WLS: variants seen among roughly 807,000 people sequenced by gnomAD.
WLS encodes the protein Wnt ligand secretion mediator.
Under a neutral mutation model 62.8 loss-of-function variants are expected in WLS, and 23 were observed. The observed-to-expected ratio is 0.37, with a 90% confidence interval of 0.26 to 0.52. The LOEUF (loss-of-function observed/expected upper bound fraction) is 0.52, where lower values mean the gene tolerates loss of function less well. WLS is among the 20% of genes least tolerant of loss of function. The pLI, the probability that WLS is intolerant of heterozygous loss-of-function variation, is 0.92. For missense variants in WLS, 615 were observed against 697.3 expected (o/e 0.88, Z 1.33); for synonymous variants, 246 against 244.1 (o/e 1.01, Z -0.07).
At chr1:68,123,166 A>G (rs1015346584), downstream of WLS, among the ~76,000 whole-genome samples, 17 of 151,808 alleles carry the variant, frequency 1.1e-4, no homozygotes, top group African/African-American at 4.1e-4. Context: ...CTTCCTTCCC[A>G]CCACAATTGC....
chr1:68,161,950 T>C (rs368589920), intron 2 of WLS: 27 of 1,610,060 alleles, frequency 1.7e-5, no homozygotes, highest in African/African-American at 4.0e-5. Context: ...TGTGGCACCA[T>C]TGAGCTCAGG....
chr1:68,194,263 A>G (rs749977454), intron 1 of WLS, 36 bp from the exon 2 acceptor site: 4 of 1,604,698 alleles, frequency 2.5e-6, no homozygotes, highest in Non-Finnish European at 3.4e-6. Context: ...TAGAAAAGCC[A>G]TCTATTGAAA....
At chr1:68,134,160 G>A (rs1646571901) in intron 11 of WLS, among the ~76,000 whole-genome samples, 1 of 152,184 alleles carries the variant, frequency 6.6e-6, no homozygotes, top group African/African-American at 2.4e-5. Context: ...TCTTCTTTGA[G>A]GTTTCCACAT....
intron 1 of WLS, among the ~76,000 whole-genome samples, chr1:68,199,554 G>T (rs1648884814): frequency 6.6e-6 from 1 of 152,138 alleles, no homozygotes; most frequent in Admixed American, 6.6e-5. Flanking sequence ...ATCTGTGCTT[G>T]AATATTAAAA....
At chr1:68,227,491 T>C (rs1410330182) in intron 1 of WLS, among the ~76,000 whole-genome samples, 1 of 151,574 alleles carries the variant, frequency 6.6e-6, no homozygotes, top group African/African-American at 2.4e-5. Context: ...AAGTTTTTTT[T>C]AAGTCAAATA....
chr1:68,125,802 G>T lies in WLS; in HGVS notation c.*424C>A. 1.0e-6 allele frequency: 1 copy of T among 1,001,438 alleles called. No homozygotes were observed. Among genetic ancestry groups the T allele is most frequent in the Non-Finnish European group, 1.2e-6 (1 of 839,602 alleles). The allele number at this position is 1,001,438 out of a possible 1,614,324, so 62.0% of individuals were successfully genotyped here. ...AAGACTATGACACCAGCCTACCTTG[G>T]ACTGGGACCGCAAAGGATGTTAAAA... On this transcript the variant is annotated 3_prime_UTR_variant, in exon 12 of 12. Transcript: ENST00000262348.
intron 11 of WLS, chr1:68,099,644 T>G (rs1181205436): frequency 8.5e-5 from 13 of 152,224 alleles, no homozygotes; most frequent in Non-Finnish European, 1.8e-4. Context: ...CTATAATACC[T>G]AATACAATAT....
In WLS at chr1:68,126,020, A is replaced by G; in HGVS notation, c.*206T>C. 2 of 1,409,654 alleles carry G rather than the reference A, an allele frequency of 1.4e-6. No homozygotes were observed. The highest frequency in any genetic ancestry group is 1.9e-6 in the Non-Finnish European group (2 of 1,078,638). 87.3% of individuals were successfully genotyped at this position (1,409,654 alleles called of 1,614,324 possible). Reference sequence around the variant, plus strand: ...CATACCAGAGTTTTTGTTATCATACACAATGCATTAGTGGCTGCAGGAATC... The same window carrying G: ...CATACCAGAGTTTTTGTTATCATACGCAATGCATTAGTGGCTGCAGGAATC... On this transcript the variant is annotated 3_prime_UTR_variant, in exon 12 of 12. Coordinates refer to ENST00000262348, the MANE Select transcript of WLS (RefSeq NM_024911.7).
At chr1:68,148,038 G>A (rs1646774933) in intron 8 of WLS, 98 bp downstream of exon 8, 1 of 1,258,088 alleles carries the variant, frequency 7.9e-7, no homozygotes, top group Non-Finnish European at 1.2e-6. Context: ...CCCTGGCTGA[G>A]TACATATGGG....
chr1:68,163,634 GA>G (rs5774918), intron 2 of WLS, among the ~76,000 whole-genome samples: 85,648 of 116,078 alleles, frequency 0.74, 32,090 homozygotes, highest in Non-Finnish European at 0.8. Context: ...TCTTAATGAG[GA>G]AAAAAAAAAA....
intron 2 of WLS, chr1:68,162,977 C>A: frequency 1.3e-6 from 2 of 1,594,298 alleles, no homozygotes; most frequent in Non-Finnish European, 1.7e-6. Flanking sequence ...GGCCGTCCAG[C>A]AGCGCCACCA....
At chr1:68,104,982 A>G (rs1202730955) in intron 11 of WLS, among the ~76,000 whole-genome samples, 4 of 152,242 alleles carry the variant, frequency 2.6e-5, no homozygotes, top group Non-Finnish European at 2.9e-5. Flanking sequence ...TTTGTTACCT[A>G]TCCTGATCTG....
intron 1 of WLS, among the ~76,000 whole-genome samples, chr1:68,227,785 C>T (rs537267645): frequency 6.6e-6 from 1 of 152,010 alleles, no homozygotes; most frequent in African/African-American, 2.4e-5. Flanking sequence ...TCACCAGACA[C>T]CCAAATACTG....
At chr1:68,138,402 C>T (rs1409835972) in intron 10 of WLS, 1 of 154,226 alleles carries the variant, frequency 6.5e-6, no homozygotes, top group Non-Finnish European at 1.4e-5. Flanking sequence ...ACTCACTCGG[C>T]TTAATGTAAG....
chr1:68,126,017 T>C lies in WLS; in HGVS notation c.*209A>G. 7.1e-7 allele frequency: 1 copy of C among 1,401,676 alleles called. No individual in the cohort carries two copies. The highest frequency in any genetic ancestry group is 9.3e-7 in the Non-Finnish European group (1 of 1,074,192). The allele number at this position is 1,401,676 out of a possible 1,614,324, so 86.8% of individuals were successfully genotyped here. A position where few individuals can be genotyped will look rare whatever the true frequency, so the allele number is the denominator to read the frequency against. On this transcript the variant is annotated 3_prime_UTR_variant, in exon 12 of 12. Coordinates refer to ENST00000262348, the MANE Select transcript of WLS (RefSeq NM_024911.7). ...TGTCATACCAGAGTTTTTGTTATCA[T>C]ACACAATGCATTAGTGGCTGCAGGA...
chr1:68,214,162 G>T (rs1289876836), intron 1 of WLS, among the ~76,000 whole-genome samples: 1 of 147,010 alleles, frequency 6.8e-6, no homozygotes, highest in East Asian at 2.0e-4. Context: ...CAGCAACTTG[G>T]TGCTCAACAG....
intron 2 of WLS, among the ~76,000 whole-genome samples, chr1:68,173,077 C>T (rs1043699746): frequency 6.6e-6 from 1 of 152,054 alleles, no homozygotes; most frequent in Non-Finnish European, 1.5e-5. Flanking sequence ...GTGCTTAAGA[C>T]GATTTAACCT....
intron 3 of WLS, 52 bp downstream of exon 3, chr1:68,159,071 C>T: frequency 1.0e-5 from 16 of 1,606,644 alleles, no homozygotes; most frequent in Non-Finnish European, 1.4e-5. Context: ...AATCTTTCCA[C>T]ATACCTGAGA....
intron 1 of WLS, among the ~76,000 whole-genome samples, chr1:68,231,341 G>A (rs1267364455): frequency 6.6e-6 from 1 of 152,136 alleles, no homozygotes; most frequent in East Asian, 1.9e-4. Context: ...TGTCACCTGC[G>A]GGGGGCTGTG....
Sources: gnomAD v4.1 joint callset for allele counts (sites outside exome capture counted in the v4.1 genomes callset) on GRCh38, gnomAD v4.1.1 for gene constraint, MANE v1.5 for transcripts, NCBI Gene and HGNC (gene_info 2026-07-23, HGNC 2026-07-21) for gene names.